Variants in GPNMB observed in about 807,000 individuals in gnomAD.
The protein encoded by GPNMB is glycoprotein nmb, also known as transmembrane glycoprotein NMB.
GPNMB carries 71 observed loss-of-function variants against 57.3 expected under a neutral mutation model. That is an observed-to-expected ratio of 1.24 (90% CI 1.02 to 1.51). The LOEUF (loss-of-function observed/expected upper bound fraction) is 1.51. Among genes scored for constraint, GPNMB ranks in the 40% most tolerant of loss-of-function variants. The pLI is 0.00. For missense variants in GPNMB, 677 were observed against 691.9 expected, an observed-to-expected ratio of 0.98 and a Z score of 0.24; for synonymous variants, 253 against 263.2, an observed-to-expected ratio of 0.96 and a Z score of 0.38.
At position 23,274,140 on chromosome 7, in the gene GPNMB, C is replaced by T. The variant is rs1037972267; in HGVS notation, c.1599C>T (p.Leu533=). 6.2e-6 allele frequency: 10 copies of T among 1,613,410 alleles called. No homozygotes were observed. Among genetic ancestry groups the T allele is most frequent in the Non-Finnish European group, 8.5e-6 (10 of 1,179,360 alleles). Residue 533 remains leucine (L), a synonymous_variant, in exon 11 of 11, where the codon CTC becomes CTT. Transcript: ENST00000258733. ...VVRSKGLSVF[L]NRAKAVFFPG... ...GAAGCAAAGGCCTGAGTGTCTTTCT[C>T]AACCGTGCAAAAGCCGTGTTCTTCC...
Position 23,257,038 on chromosome 7 carries a change from A to T in GPNMB, c.514A>T (p.Asn172Tyr), listed in dbSNP as rs1420579947. The change falls in exon 4 of 11, where the codon AAT becomes TAT. Residue 172 changes from asparagine (N) to tyrosine (Y), a missense_variant. Asn to Tyr is a moderately radical substitution (Grantham distance 143). Coordinates refer to ENST00000258733, the MANE Select transcript of GPNMB (RefSeq NM_002510.3). ...TCACCACCCCGGATGGAGAAGATGG[A>T]ATTTCATCTACGTCTTCCACACACT... is the stretch of plus-strand genomic sequence containing the variant. ...FPHHPGWRRW[N>Y]FIYVFHTLGQ... is the part of the protein sequence containing the mutation. 6.2e-7 allele frequency: 1 copy of T among 1,614,176 alleles called. No individual in the cohort carries two copies. The highest frequency in any genetic ancestry group is 1.7e-5 in the Admixed American group (1 of 60,026).
chr7:23,249,203 T>C (rs939307019), intron 1 of GPNMB, among the ~76,000 whole-genome samples: 1 of 152,256 alleles, frequency 6.6e-6, no homozygotes, highest in Non-Finnish European at 1.5e-5. Flanking sequence ...ATTACAGGCA[T>C]GAGCCATTGC....
chr7:23,260,911 T>C, intron 6 of GPNMB, 138 bp downstream of exon 6: 1 of 625,794 alleles, frequency 1.6e-6, no homozygotes, highest in Non-Finnish European at 2.5e-6. Flanking sequence ...TGTTGATTTT[T>C]TAAAGCAAAG....
chr7:23,260,359 T>C, intron 5 of GPNMB, 97 bp from the exon 6 acceptor site: 1 of 1,117,440 alleles, frequency 8.9e-7, no homozygotes, highest in Non-Finnish European at 1.3e-6. Flanking sequence ...AAATTATCCC[T>C]CATTTTAATA....
At chr7:23,272,846 C>CTTTTTTTTTTTT (rs34346503) in intron 9 of GPNMB, among the ~76,000 whole-genome samples, 2,654 of 139,160 alleles carry the variant, frequency 0.019, 109 homozygotes, top group African/African-American at 0.07. Flanking sequence ...AGGTGGTGAT[C>CTTTTTTTTTTTT]TTTTTTTTTT....
At chr7:23,273,482 T>C (rs1333774941) in intron 9 of GPNMB, 39 bp from the exon 10 acceptor site, 1 of 1,318,864 alleles carries the variant, frequency 7.6e-7, no homozygotes, top group Admixed American at 1.7e-5. Flanking sequence ...GTCCTCTAGG[T>C]GGAAGACATA....
Position 23,260,574 on chromosome 7 carries a change from C to T in GPNMB, c.819C>T (p.Phe273=). 6.2e-7 allele frequency: 1 copy of T among 1,613,832 alleles called. No homozygotes were observed. The highest frequency in any genetic ancestry group is 1.1e-5 in the South Asian group (1 of 91,068). Residue 273 remains phenylalanine, a synonymous_variant, in exon 6 of 11, where the codon TTC becomes TTT. Coordinates refer to ENST00000258733, the MANE Select transcript of GPNMB (RefSeq NM_002510.3). ...TCCTGATTCATGATCCTAGCCACTT[C>T]CTCAATTATTCTACCATTAACTACA... ...FDVLIHDPSH[F]LNYSTINYKW...
intron 2 of GPNMB, 40 bp downstream of exon 2, chr7:23,253,499 AC>A (rs1199126683): frequency 6.4e-7 from 1 of 1,564,464 alleles, no homozygotes; most frequent in Non-Finnish European, 8.8e-7. Context: ...GCAATTTCCT[AC>A]TTCAGTAAGT....
intron 4 of GPNMB, among the ~76,000 whole-genome samples, chr7:23,258,923 T>C (rs1191235171): frequency 6.6e-6 from 1 of 152,210 alleles, no homozygotes; most frequent in Non-Finnish European, 1.5e-5. Flanking sequence ...AGATACCCAG[T>C]CAGTGACAGG....
chr7:23,269,932 G>T, intron 8 of GPNMB, 35 bp from the exon 9 acceptor site: 3 of 1,460,620 alleles, frequency 2.1e-6, no homozygotes, highest in Non-Finnish European at 2.9e-6. Flanking sequence ...CCTTCTCTGT[G>T]CCCTGTGCGC....
intron 1 of GPNMB, 77 bp downstream of exon 1, chr7:23,247,004 A>T: frequency 1.9e-6 from 2 of 1,071,680 alleles, no homozygotes; most frequent in Non-Finnish European, 2.9e-6. Context: ...TATCCTCTGA[A>T]CTAGAGGTTG....
At chr7:23,270,285 C>A (rs1412496389) in intron 9 of GPNMB, 110 bp downstream of exon 9, 5 of 685,594 alleles carry the variant, frequency 7.3e-6, no homozygotes, top group Non-Finnish European at 1.2e-5. Flanking sequence ...TATTTCAGTA[C>A]AAAATTCATT....
chr7:23,263,583 G>T (rs562553929), intron 6 of GPNMB, among the ~76,000 whole-genome samples: 1 of 146,942 alleles, frequency 6.8e-6, no homozygotes, highest in African/African-American at 2.5e-5. Flanking sequence ...TTGCACTCCA[G>T]CCTGGGCGAC....
Position 23,270,935 on chromosome 7 carries a change from G to C in GPNMB, c.1429+760G>C, listed in dbSNP as rs114908336. On this transcript the variant is annotated intron_variant, in intron 9 of 10. Coordinates refer to ENST00000258733, the MANE Select transcript of GPNMB (RefSeq NM_002510.3). The stretch of plus-strand genomic sequence containing the variant: ...GTTGTAAGATATTACTTGTGGCTTA[G>C]AAGAAGTGCTACGTGGTAGGATGAA... 4.6e-3 allele frequency among the ~76,000 whole-genome samples: 699 copies of C among 152,308 alleles called. 6 individuals are homozygous for C. The highest frequency in any genetic ancestry group is 0.016 in the African/African-American group (666 of 41,566).
At chr7:23,272,459 AAG>A (rs948939925) in intron 9 of GPNMB, among the ~76,000 whole-genome samples, 1 of 151,582 alleles carries the variant, frequency 6.6e-6, no homozygotes, top group African/African-American at 2.4e-5. Flanking sequence ...CCCTGTCTGA[AAG>A]AGAGAGAGAG....
chr7:23,272,176 C>G (rs1423736027), intron 9 of GPNMB, among the ~76,000 whole-genome samples: 5 of 152,202 alleles, frequency 3.3e-5, no homozygotes, highest in African/African-American at 7.2e-5. Context: ...TTAGAATTAC[C>G]TTTAGAGTCT....
chr7:23,257,066 G>A lies in GPNMB; in HGVS notation c.541+1G>A, dbSNP rs775142701. ...TTCATCTACGTCTTCCACACACTTG[G>A]TTGGCTTTTACAAACCCCTAAGCTT... On this transcript the variant is annotated splice_donor_variant, in intron 4 of 10. Transcript: ENST00000258733. LOFTEE classifies it high-confidence loss of function. 11 of 1,613,646 alleles carry A rather than the reference G, an allele frequency of 6.8e-6. No homozygotes were observed. The highest frequency in any genetic ancestry group is 1.7e-5 in the Admixed American group (1 of 60,004).
chr7:23,268,261 C>T (rs1032655007), intron 8 of GPNMB, among the ~76,000 whole-genome samples: 2 of 152,138 alleles, frequency 1.3e-5, no homozygotes, highest in African/African-American at 4.8e-5. Context: ...AATTTTTTAA[C>T]ACCTTATACC....
In GPNMB at chr7:23,260,507, C is replaced by T; in HGVS notation, c.752C>T (p.Ser251Phe). The change falls in exon 6 of 11, where the codon TCC becomes TTC. Residue 251 changes from serine (S) to phenylalanine (F), a missense_variant. Ser to Phe is a radical substitution (Grantham distance 155). Transcript: ENST00000258733. Reference protein sequence around the residue: ...TMFQKNDRNSSDETFLKDLPI... With the variant: ...TMFQKNDRNSFDETFLKDLPI... ...TTCCAGAAGAACGATCGAAATTCATCCGACGAAACCTTCCTCAAAGATCTC... is the reference window on the plus strand; with the variant it reads ...TTCCAGAAGAACGATCGAAATTCATTCGACGAAACCTTCCTCAAAGATCTC... The T allele has an allele frequency of 1.2e-6, 2 of 1,613,684 alleles. No individual in the cohort carries two copies. Among genetic ancestry groups the T allele is most frequent in the Non-Finnish European group, 1.7e-6 (2 of 1,179,696 alleles).
Sources: allele counts gnomAD v4.1 joint callset (sites outside exome capture counted in the v4.1 genomes callset), GRCh38; gene constraint gnomAD v4.1.1; transcripts MANE v1.5; gene names NCBI Gene and HGNC (gene_info 2026-07-23, HGNC 2026-07-21).